SPATA13: variants seen among roughly 807,000 people sequenced by gnomAD.
SPATA13 encodes the protein spermatogenesis-associated protein 13.
SPATA13 carries 50 observed loss-of-function variants against 104.0 expected under a neutral mutation model. The observed-to-expected ratio is 0.48, with a 90% confidence interval of 0.38 to 0.61. SPATA13 has a LOEUF of 0.61. SPATA13 is among the 20% of genes least tolerant of loss of function. The pLI is 0.00. For synonymous variants in SPATA13, 606 were observed against 667.5 expected, an observed-to-expected ratio of 0.91 and a Z score of 1.42; for missense variants, 1,524 against 1,690.6, an observed-to-expected ratio of 0.90 and a Z score of 1.73.
intron 3 of SPATA13, among the ~76,000 whole-genome samples, chr13:24,036,976 A>G (rs1373380353): frequency 6.6e-6 from 1 of 151,744 alleles, no homozygotes; most frequent in Non-Finnish European, 1.5e-5. Flanking sequence ...GGGTTTGACC[A>G]TGTTGGCCAG....
chr13:24,019,719 A>T (rs898575477), intron 3 of SPATA13, among the ~76,000 whole-genome samples: 8 of 152,242 alleles, frequency 5.3e-5, no homozygotes, highest in Admixed American at 3.3e-4. Context: ...TGCTAAAAAA[A>T]AAATGACATT....
intron 4 of SPATA13, among the ~76,000 whole-genome samples, chr13:24,268,765 A>G (rs1874409220): frequency 6.6e-6 from 1 of 152,178 alleles, no homozygotes; most frequent in South Asian, 2.1e-4. Context: ...TCTCAAAATG[A>G]AATAAAATTT....
At chr13:24,076,154 G>T (rs146466383) in intron 3 of SPATA13, among the ~76,000 whole-genome samples, 2 of 152,274 alleles carry the variant, frequency 1.3e-5, no homozygotes, top group Admixed American at 1.3e-4. Context: ...TCTTGACTGA[G>T]AAGTTCTTAG....
intron 3 of SPATA13, among the ~76,000 whole-genome samples, chr13:24,121,082 C>A (rs1233699391): frequency 6.6e-6 from 1 of 151,894 alleles, no homozygotes; most frequent in Non-Finnish European, 1.5e-5. Context: ...TCAGCCATAC[C>A]CTTAGATCAA....
chr13:24,048,514 C>T (rs924633850), intron 3 of SPATA13, among the ~76,000 whole-genome samples: 2 of 151,794 alleles, frequency 1.3e-5, no homozygotes, highest in African/African-American at 4.8e-5. Context: ...TGTAATAATA[C>T]ATATAAAATT....
At chr13:24,111,994 G>A (rs1409032) in intron 3 of SPATA13, among the ~76,000 whole-genome samples, 53,304 of 152,072 alleles carry the variant, frequency 0.35, 10,059 homozygotes, top group East Asian at 0.49. Context: ...TTTTGAATTG[G>A]ATAAAGACTC....
intron 2 of SPATA13, among the ~76,000 whole-genome samples, chr13:23,998,642 T>A (rs1171698253): frequency 1.3e-5 from 2 of 152,228 alleles, no homozygotes; most frequent in Non-Finnish European, 2.9e-5. Flanking sequence ...TGTGAAATCT[T>A]TTCCTAACAC....
At chr13:24,271,041 A>ACTCTCTCTCTCTCTCTCTCTCTCTCT in intron 4 of SPATA13, 1 of 481,350 alleles carries the variant, frequency 2.1e-6, no homozygotes, top group Admixed American at 2.8e-5. Flanking sequence ...TCTCTCTCTC[A>ACTCTCTCTCTCTCTCTCTCTCTCTCT]CTCTCTCTCT....
At chr13:23,992,893 T>C (rs144198333) in intron 2 of SPATA13, among the ~76,000 whole-genome samples, 2 of 152,242 alleles carry the variant, frequency 1.3e-5, no homozygotes, top group Non-Finnish European at 2.9e-5. Context: ...TAACAGTGCC[T>C]GGCACGGCAA....
intron 1 of SPATA13, among the ~76,000 whole-genome samples, chr13:24,194,678 TTTC>T (rs898270354): frequency 2.3e-4 from 35 of 152,298 alleles, no homozygotes; most frequent in African/African-American, 8.4e-4. Context: ...AGGACTAGGA[TTTC>T]TTCTTCTAAC....
intron 3 of SPATA13, among the ~76,000 whole-genome samples, chr13:24,046,424 G>T (rs1423965686): frequency 6.6e-6 from 1 of 151,360 alleles, no homozygotes; most frequent in East Asian, 1.9e-4. Flanking sequence ...CTCCACAGTA[G>T]CTAGGACACA....
intron 2 of SPATA13, among the ~76,000 whole-genome samples, chr13:23,993,260 G>T (rs530566557): frequency 1.7e-4 from 26 of 152,358 alleles, no homozygotes; most frequent in African/African-American, 5.5e-4. Flanking sequence ...TCGCTGATCA[G>T]CCCAGTTACA....
chr13:24,126,009 G>A (rs1015900613), intron 3 of SPATA13, among the ~76,000 whole-genome samples: 11 of 152,152 alleles, frequency 7.2e-5, no homozygotes, highest in Non-Finnish European at 1.6e-4. Context: ...TTCTTGGGGA[G>A]GTACGAATAG....
In SPATA13 at chr13:24,104,370, A is replaced by T. The variant is rs147421375; in HGVS notation, c.-112+86669A>T. ...ATAAAATGAAAAAGCAATTTAGCCC[A>T]CTCAATTTTTAGAGAGGTTTGGTTT... On this transcript the variant is annotated intron_variant, in intron 3 of 14. Coordinates refer to the SPATA13 transcript ENST00000424834. 3.8e-4 allele frequency among the ~76,000 whole-genome samples: 58 copies of T among 152,188 alleles called. 1 individual carries two copies. In the East Asian group the frequency reaches 0.011, roughly 29 times the overall value.
At chr13:24,247,243 T>C (rs1288766434) in intron 2 of SPATA13, among the ~76,000 whole-genome samples, 1 of 152,114 alleles carries the variant, frequency 6.6e-6, no homozygotes, top group Non-Finnish European at 1.5e-5. Context: ...AAAGGGGAAG[T>C]TGCTGGAACC....
chr13:24,083,649 G>A (rs1879618996), intron 3 of SPATA13, among the ~76,000 whole-genome samples: 1 of 152,192 alleles, frequency 6.6e-6, no homozygotes, highest in South Asian at 2.1e-4. Context: ...ATTAATCAGA[G>A]TGGATTAAAA....
At chr13:24,140,721 G>A (rs1361275501) in intron 3 of SPATA13, among the ~76,000 whole-genome samples, 1 of 152,198 alleles carries the variant, frequency 6.6e-6, no homozygotes, top group Admixed American at 6.5e-5. Flanking sequence ...AGCCAAGAAT[G>A]TTAGTATTAT....
chr13:24,152,765 G>A (rs909795701), intron 3 of SPATA13, among the ~76,000 whole-genome samples: 5 of 152,136 alleles, frequency 3.3e-5, no homozygotes, highest in African/African-American at 9.7e-5. Flanking sequence ...TGAGCAAGGC[G>A]CCAGAGACAA....
At chr13:24,015,820 GTCATAGTCCCC>G (rs952244238) in intron 2 of SPATA13, among the ~76,000 whole-genome samples, 1 of 147,806 alleles carries the variant, frequency 6.8e-6, no homozygotes, top group African/African-American at 2.5e-5. Context: ...CTGGTGACAC[GTCATAGTCCCC>G]TCATGACCCC....
Sources: gnomAD v4.1 joint callset for allele counts (sites outside exome capture counted in the v4.1 genomes callset) on GRCh38, gnomAD v4.1.1 for gene constraint, MANE v1.5 for transcripts, NCBI Gene and HGNC (gene_info 2026-07-23, HGNC 2026-07-21) for gene names.